IGF1R: variants seen among roughly 807,000 people sequenced by gnomAD.
The protein encoded by IGF1R is insulin like growth factor 1 receptor, also known as insulin-like growth factor 1 receptor.
In IGF1R, 44 loss-of-function variants were observed where a neutral mutation model predicts 144.6. That is an observed-to-expected ratio of 0.30 (90% confidence interval 0.24 to 0.39). The LOEUF (loss-of-function observed/expected upper bound fraction) is 0.39, where lower values mean the gene tolerates loss of function less well. Among genes scored for constraint, IGF1R ranks in the 10% least tolerant of loss-of-function variants. The pLI is 1.00. For missense variants in IGF1R, 1,355 were observed against 1,833.7 expected, an observed-to-expected ratio of 0.74 and a Z score of 4.77; for synonymous variants, 795 against 722.8, an observed-to-expected ratio of 1.10 and a Z score of -1.60.
intron 2 of IGF1R, among the ~76,000 whole-genome samples, chr15:98,814,881 T>G (rs1408601477): frequency 6.6e-6 from 1 of 152,246 alleles, no homozygotes; most frequent in Admixed American, 6.5e-5. Context: ...GCTATGATGC[T>G]TCCTTATATC....
chr15:98,879,955 A>G (rs1298317579), intron 2 of IGF1R, among the ~76,000 whole-genome samples: 1 of 152,198 alleles, frequency 6.6e-6, no homozygotes, highest in African/African-American at 2.4e-5. Context: ...AAAGTGTAAT[A>G]GTGATTGCCT....
chr15:98,718,329 T>C (rs962989005), intron 2 of IGF1R, among the ~76,000 whole-genome samples: 7 of 152,228 alleles, frequency 4.6e-5, no homozygotes, highest in Non-Finnish European at 4.4e-5. Context: ...GGACTGTCGG[T>C]TGCTTGATAC....
At chr15:98,948,494 T>A in intron 19 of IGF1R, 80 bp from the exon 20 acceptor site, 1 of 1,446,874 alleles carries the variant, frequency 6.9e-7, no homozygotes, top group Non-Finnish European at 9.7e-7. Context: ...GCTCGGGATG[T>A]AAGAAGTGCT....
intron 2 of IGF1R, among the ~76,000 whole-genome samples, chr15:98,859,080 A>G (rs955250694): frequency 3.2e-4 from 45 of 140,420 alleles, no homozygotes; most frequent in Admixed American, 1.3e-3. Flanking sequence ...ATAATGGAGG[A>G]AAAAAAAAAA....
rs1051792191 is a variant in IGF1R at position 98,958,599 on chromosome 15, A to C, written c.*1157A>C. 4.3e-6 allele frequency: 1 copy of C among 232,770 alleles called. No individual in the cohort carries two copies. Among genetic ancestry groups the C allele is most frequent in the Non-Finnish European group, 8.5e-6 (1 of 117,512 alleles). The allele number at this position is 232,770 out of a possible 1,614,324, so 14.4% of individuals were successfully genotyped here. A position where few individuals can be genotyped will look rare whatever the true frequency, so the allele number is the denominator to read the frequency against. On this transcript the variant is annotated 3_prime_UTR_variant, in exon 21 of 21. Transcript: ENST00000650285. ...TTCCTAGGACTTCTTCATGGGTCTT[A>C]CAGTTCTATGTTAGACCATGAAACA...
At chr15:98,801,152 C>A (rs997865428) in intron 2 of IGF1R, among the ~76,000 whole-genome samples, 1 of 152,132 alleles carries the variant, frequency 6.6e-6, no homozygotes, top group African/African-American at 2.4e-5. Flanking sequence ...CTCCCTCTCC[C>A]CAACCTCAGA....
chr15:98,900,637 T>A (rs1286968534), intron 5 of IGF1R: 1 of 152,156 alleles, frequency 6.6e-6, no homozygotes, highest in Non-Finnish European at 1.5e-5. Flanking sequence ...CACAGTGTCC[T>A]CCCCACTGGG....
intron 2 of IGF1R, among the ~76,000 whole-genome samples, chr15:98,708,698 G>C (rs2053923875): frequency 6.6e-6 from 1 of 152,184 alleles, no homozygotes; most frequent in African/African-American, 2.4e-5. Flanking sequence ...CCAGGTGGGA[G>C]ACCTCTGGAC....
chr15:98,771,920 A>C (rs1023453618), intron 2 of IGF1R, among the ~76,000 whole-genome samples: 1 of 151,620 alleles, frequency 6.6e-6, no homozygotes, highest in African/African-American at 2.4e-5. Flanking sequence ...TTTTTTTTTA[A>C]ATAGGTAGGG....
At chr15:98,886,493 T>G (rs915891240) in intron 2 of IGF1R, among the ~76,000 whole-genome samples, 2 of 152,220 alleles carry the variant, frequency 1.3e-5, no homozygotes, top group Non-Finnish European at 2.9e-5. Context: ...ATCAGTTTGC[T>G]TTTTTCTCTG....
At chr15:98,844,798 TTTA>T (rs1174325854) in intron 2 of IGF1R, among the ~76,000 whole-genome samples, 1 of 152,230 alleles carries the variant, frequency 6.6e-6, no homozygotes, top group Non-Finnish European at 1.5e-5. Flanking sequence ...ATGGGAACTT[TTTA>T]TTTCTTCCCT....
At chr15:98,847,583 A>T (rs893551415) in intron 2 of IGF1R, among the ~76,000 whole-genome samples, 4 of 152,174 alleles carry the variant, frequency 2.6e-5, no homozygotes, top group Admixed American at 1.3e-4. Context: ...AGCATGCAGG[A>T]AATGCTCGTT....
intron 2 of IGF1R, among the ~76,000 whole-genome samples, chr15:98,882,161 G>A (rs541736992): frequency 7.9e-5 from 12 of 152,330 alleles, no homozygotes; most frequent in African/African-American, 2.9e-4. Context: ...AGGGCGTGTT[G>A]CGTGAGTGGT....
At chr15:98,729,967 C>T (rs184484761) in intron 2 of IGF1R, among the ~76,000 whole-genome samples, 51 of 152,310 alleles carry the variant, frequency 3.3e-4, no homozygotes, top group Non-Finnish European at 4.4e-5. Context: ...TATGGGATCA[C>T]AAGGGCCTAT....
In IGF1R at chr15:98,734,192, T is replaced by A. The variant is rs115470348; in HGVS notation, c.640+26085T>A. ...ACAGTGGTGTCACTTAATGGGAAGA[T>A]CGCTCAGGCTTTGTAACTGGGCATA... On this transcript the variant is annotated intron_variant, in intron 2 of 20. Transcript: ENST00000650285. 5.1e-3 allele frequency among the ~76,000 whole-genome samples: 774 copies of A among 152,326 alleles called. 6 individuals carry two copies. The highest frequency in any genetic ancestry group is 0.014 in the African/African-American group (569 of 41,562).
chr15:98,914,543 T>C (rs998845596), intron 8 of IGF1R, among the ~76,000 whole-genome samples: 2 of 152,216 alleles, frequency 1.3e-5, no homozygotes, highest in African/African-American at 4.8e-5. Flanking sequence ...TGGCACAGGC[T>C]TCTGATCCTG....
chr15:98,764,109 A>G (rs998477979), intron 2 of IGF1R, among the ~76,000 whole-genome samples: 2 of 152,236 alleles, frequency 1.3e-5, no homozygotes, highest in Non-Finnish European at 2.9e-5. Flanking sequence ...TTTAGTTTGC[A>G]TATTTAACAC....
chr15:98,758,240 ACT>A (rs1359670351), intron 2 of IGF1R, among the ~76,000 whole-genome samples: 3 of 149,378 alleles, frequency 2.0e-5, no homozygotes, highest in Non-Finnish European at 3.0e-5. Context: ...AAGTTTTTAT[ACT>A]CCAATTGTGT....
intron 1 of IGF1R, among the ~76,000 whole-genome samples, chr15:98,670,190 C>T (rs1287150188): frequency 6.6e-6 from 1 of 152,076 alleles, no homozygotes; most frequent in Non-Finnish European, 1.5e-5. Flanking sequence ...TGGAATGGAA[C>T]CAGATGCTTT....
Sources: allele counts gnomAD v4.1 joint callset (sites outside exome capture counted in the v4.1 genomes callset), GRCh38; gene constraint gnomAD v4.1.1; transcripts MANE v1.5; gene names NCBI Gene and HGNC (gene_info 2026-07-23, HGNC 2026-07-21).